LRP2: variants seen among roughly 807,000 people sequenced by gnomAD.
The protein encoded by LRP2 is LDL receptor related protein 2.
Under a neutral mutation model 531.0 loss-of-function variants are expected in LRP2, and 172 were observed. That is an observed-to-expected ratio of 0.32 (90% CI 0.29 to 0.37). LRP2 has a LOEUF of 0.37. LRP2 is among the 10% of genes least tolerant of loss of function. The pLI, the probability that LRP2 is intolerant of heterozygous loss-of-function variation, is 1.00. For missense variants in LRP2, 5,167 were observed against 5,868.3 expected (o/e 0.88, Z 3.90); for synonymous variants, 1,992 against 2,027.6 (o/e 0.98, Z 0.47).
At chr2:169,143,358 C>T (rs1367369885) in intron 70 of LRP2, among the ~76,000 whole-genome samples, 8 of 152,104 alleles carry the variant, frequency 5.3e-5, no homozygotes, top group Admixed American at 5.2e-4. Flanking sequence ...ACTATTGATG[C>T]CAGGCCAGGC....
intron 33 of LRP2, among the ~76,000 whole-genome samples, chr2:169,221,407 C>T (rs62172633): frequency 0.037 from 5,626 of 152,210 alleles, 146 homozygotes; most frequent in South Asian, 0.097. Context: ...TTTCCCAAGG[C>T]TGTCTGTGAT....
chr2:169,192,376 C>CT (rs754553319), intron 47 of LRP2, among the ~76,000 whole-genome samples: 7 of 152,102 alleles, frequency 4.6e-5, no homozygotes, highest in Admixed American at 1.3e-4. Context: ...ATTTTGGTAA[C>CT]TTTTTTTAGT....
chr2:169,295,513 T>G (rs773661601), intron 4 of LRP2, among the ~76,000 whole-genome samples: 1 of 152,164 alleles, frequency 6.6e-6, no homozygotes, highest in Non-Finnish European at 1.5e-5. Context: ...CCTCTCTACT[T>G]GCCAGACTTG....
chr2:169,306,426 C>A (rs1238201092), intron 4 of LRP2, among the ~76,000 whole-genome samples: 1 of 151,990 alleles, frequency 6.6e-6, no homozygotes, highest in African/African-American at 2.4e-5. Flanking sequence ...CCCAGCTACT[C>A]GGGAGGCTGA....
rs77142930 is a variant in LRP2 at position 169,305,587 on chromosome 2, T to C, written c.427+1694A>G. 2.6e-4 allele frequency among the ~76,000 whole-genome samples: 39 copies of C among 152,270 alleles called. No individual in the cohort carries two copies. In the East Asian group the frequency reaches 7.3e-3, roughly 29 times the overall value. ...AAACTTGAATCTTCCGTTGGAGACA[T>C]AATAACTGAAAAGTTTATGATCAAG... On this transcript the variant is annotated intron_variant, in intron 4 of 78. Transcript: ENST00000649046.
Position 169,256,242 on chromosome 2 carries a change from A to G in LRP2, c.2640-6T>C. The G allele has an allele frequency of 1.9e-6, 3 of 1,609,998 alleles. No individual in the cohort carries two copies. Among genetic ancestry groups the G allele is most frequent in the Non-Finnish European group, 2.5e-6 (3 of 1,177,004 alleles). Reference sequence around the variant, plus strand: ...CCCAGTACAATCGTGAAGCACTAAAATAATAAAATATTTAGTTATCTCTTA... The same window carrying G: ...CCCAGTACAATCGTGAAGCACTAAAGTAATAAAATATTTAGTTATCTCTTA... On this transcript the variant is annotated splice_polypyrimidine_tract_variant and splice_region_variant and intron_variant, in intron 18 of 78. Coordinates refer to ENST00000649046, the MANE Select transcript of LRP2 (RefSeq NM_004525.3).
intron 23 of LRP2, 51 bp downstream of exon 23, chr2:169,243,352 G>A: frequency 1.2e-6 from 2 of 1,608,554 alleles, no homozygotes; most frequent in South Asian, 1.1e-5. Flanking sequence ...TGTTAACACT[G>A]AGATTTTTCT....
At chr2:169,134,374 T>G (rs1685413964) in intron 76 of LRP2, among the ~76,000 whole-genome samples, 1 of 152,138 alleles carries the variant, frequency 6.6e-6, no homozygotes, top group Non-Finnish European at 1.5e-5. Flanking sequence ...ACAATTACCA[T>G]TGTTTCTGGC....
chr2:169,141,907 C>T (rs1685733673), intron 71 of LRP2, among the ~76,000 whole-genome samples: 1 of 152,196 alleles, frequency 6.6e-6, no homozygotes, highest in African/African-American at 2.4e-5. Context: ...AACTCCTCAG[C>T]CTGTTTGGAA....
intron 76 of LRP2, among the ~76,000 whole-genome samples, chr2:169,135,880 C>T (rs1685486761): frequency 1.3e-5 from 2 of 152,130 alleles, no homozygotes; most frequent in African/African-American, 2.4e-5. Context: ...CTCATAAATG[C>T]CCTGCTCTTG....
Position 169,237,946 on chromosome 2 carries a change from G to A in LRP2, c.4506+145C>T, listed in dbSNP as rs768102191. ...GCCATAAATTCGTAGTTATGAACACGCAAGTCTCTTGGGTATGATGTGGCC... is the reference window on the plus strand; with the variant it reads ...GCCATAAATTCGTAGTTATGAACACACAAGTCTCTTGGGTATGATGTGGCC... On this transcript the variant is annotated intron_variant, in intron 27 of 78. Transcript: ENST00000649046. The A allele has an allele frequency of 5.5e-4, 404 of 729,540 alleles. 1 individual carries two copies. Among genetic ancestry groups the A allele is most frequent in the Non-Finnish European group, 1.5e-4 (62 of 402,592 alleles). 45.2% of individuals were successfully genotyped at this position (729,540 alleles called of 1,614,324 possible). A position where few individuals can be genotyped will look rare whatever the true frequency, so the allele number is the denominator to read the frequency against.
intron 4 of LRP2, among the ~76,000 whole-genome samples, chr2:169,296,729 T>A (rs1318759464): frequency 6.6e-6 from 1 of 152,056 alleles, no homozygotes; most frequent in African/African-American, 2.4e-5. Context: ...GGATCTCTCG[T>A]TTTCTTCATC....
chr2:169,329,263 C>A (rs1685201670), intron 1 of LRP2, among the ~76,000 whole-genome samples: 1 of 152,138 alleles, frequency 6.6e-6, no homozygotes, highest in Admixed American at 6.5e-5. Flanking sequence ...ACTTGACAGG[C>A]CAGGCGTGAT....
At chr2:169,195,185 A>G (rs541428719) in intron 46 of LRP2, among the ~76,000 whole-genome samples, 1 of 152,352 alleles carries the variant, frequency 6.6e-6, no homozygotes, top group African/African-American at 2.4e-5. Flanking sequence ...GGATAAAAAT[A>G]CATGGACCAT....
At chr2:169,247,072 G>T in intron 20 of LRP2, 86 bp from the exon 21 acceptor site, 1 of 1,478,970 alleles carries the variant, frequency 6.8e-7, no homozygotes, top group Non-Finnish European at 9.3e-7. Flanking sequence ...AAAACAAACA[G>T]GACAAAACAT....
intron 52 of LRP2, among the ~76,000 whole-genome samples, chr2:169,178,856 T>C (rs560614685): frequency 7.2e-5 from 11 of 152,278 alleles, no homozygotes; most frequent in African/African-American, 1.9e-4. Context: ...ATGTTAGCCA[T>C]GCAATGTTAA....
chr2:169,274,533 C>T (rs554999876), intron 14 of LRP2, among the ~76,000 whole-genome samples: 2 of 152,068 alleles, frequency 1.3e-5, no homozygotes, highest in East Asian at 3.9e-4. Flanking sequence ...GACACCAAAC[C>T]CAGTTGGCCT....
intron 63 of LRP2, among the ~76,000 whole-genome samples, chr2:169,160,234 A>T (rs1686522737): frequency 6.6e-6 from 1 of 152,166 alleles, no homozygotes; most frequent in Non-Finnish European, 1.5e-5. Flanking sequence ...ATGTATTTTC[A>T]TTCCCAAAAA....
At chr2:169,184,649 A>T (rs936598824) in intron 50 of LRP2, among the ~76,000 whole-genome samples, 1 of 152,166 alleles carries the variant, frequency 6.6e-6, no homozygotes, top group Non-Finnish European at 1.5e-5. Context: ...TGCCTTAAAG[A>T]CTGTCAGTTT....
Sources: gnomAD v4.1 joint callset for allele counts (sites outside exome capture counted in the v4.1 genomes callset) on GRCh38, gnomAD v4.1.1 for gene constraint, MANE v1.5 for transcripts, NCBI Gene and HGNC (gene_info 2026-07-23, HGNC 2026-07-21) for gene names.